The following ABR variants were observed in gnomAD, a reference collection of about 807,000 sequenced individuals.
ABR encodes the protein ABR activator of RhoGEF and GTPase, also known as active breakpoint cluster region-related protein.
In ABR, 35 loss-of-function variants were observed where a neutral mutation model predicts 107.2. That is an observed-to-expected ratio of 0.33 (90% CI 0.25 to 0.43). The LOEUF is 0.43. ABR is among the 20% of genes least tolerant of loss of function. The pLI, the probability that ABR is intolerant of heterozygous loss-of-function variation, is 1.00. For synonymous variants in ABR, 498 were observed against 462.0 expected (o/e 1.08, Z -1.00); for missense variants, 815 against 1,115.2 (o/e 0.73, Z 3.83).
intron 4 of ABR, chr17:1,083,916 T>C: frequency 2.5e-6 from 1 of 395,384 alleles, no homozygotes; most frequent in Non-Finnish European, 4.7e-6. Flanking sequence ...CTTCACAGCA[T>C]CCAGCTTTCC....
chr17:1,185,277 G>A (rs754819784), intron 1 of ABR, among the ~76,000 whole-genome samples: 8 of 152,220 alleles, frequency 5.3e-5, no homozygotes, highest in Non-Finnish European at 1.0e-4. Flanking sequence ...TGCCAGTCCC[G>A]GCCAAACCCC....
intron 1 of ABR, among the ~76,000 whole-genome samples, chr17:1,216,251 T>C (rs932244642): frequency 6.6e-6 from 1 of 152,076 alleles, no homozygotes; most frequent in African/African-American, 2.4e-5. Flanking sequence ...TATATCAACT[T>C]GCTCAGTTCT....
chr17:1,140,120 G>A (rs1269676979), intron 1 of ABR, among the ~76,000 whole-genome samples: 1 of 152,228 alleles, frequency 6.6e-6, no homozygotes, highest in African/African-American at 2.4e-5. Context: ...ATGAGATGAT[G>A]TGGAACGGGG....
chr17:1,204,893 TTCTTTTTC>T (rs2042758006), intron 1 of ABR, among the ~76,000 whole-genome samples: 3 of 80,248 alleles, frequency 3.7e-5, no homozygotes, highest in Non-Finnish European at 6.8e-5. Context: ...TCTTTTCTTT[TTCTTTTTC>T]TTTTTTTTTT....
At chr17:1,142,671 C>G (rs915406068) in intron 1 of ABR, among the ~76,000 whole-genome samples, 49 of 152,116 alleles carry the variant, frequency 3.2e-4, no homozygotes, top group African/African-American at 1.1e-3. Context: ...GGAAGGCTGC[C>G]CGGAAGAGGC....
chr17:1,195,104 G>A (rs1471554313), intron 1 of ABR, among the ~76,000 whole-genome samples: 19 of 142,214 alleles, frequency 1.3e-4, no homozygotes, highest in South Asian at 9.7e-4. Flanking sequence ...TCAGGAGATC[G>A]AGACCATCCT....
At chr17:1,012,973 G>A (rs1422625616) in intron 17 of ABR, 132 bp downstream of exon 17, 10 of 1,191,346 alleles carry the variant, frequency 8.4e-6, no homozygotes, top group African/African-American at 1.5e-5. Context: ...GGAGGGGAGA[G>A]GGGGCTGGGC....
intron 5 of ABR, among the ~76,000 whole-genome samples, 163 bp from the exon 6 acceptor site, chr17:1,079,553 C>T (rs555493602): frequency 6.6e-6 from 1 of 152,072 alleles, no homozygotes; most frequent in South Asian, 2.1e-4. Context: ...CTTTGAGAGG[C>T]CGTGGTGGGC....
At chr17:1,126,128 C>T (rs116497957) in intron 1 of ABR, among the ~76,000 whole-genome samples, 2,442 of 152,274 alleles carry the variant, frequency 0.016, 53 homozygotes, top group African/African-American at 0.051. Flanking sequence ...AGCCCAGGCA[C>T]GGAGCCCACC....
At chr17:1,199,243 G>A (rs2042627437) in intron 1 of ABR, among the ~76,000 whole-genome samples, 1 of 150,910 alleles carries the variant, frequency 6.6e-6, no homozygotes, top group African/African-American at 2.5e-5. Flanking sequence ...GGGGGAAACA[G>A]AGGCAGTGAG....
intron 1 of ABR, among the ~76,000 whole-genome samples, chr17:1,137,463 C>G (rs924265788): frequency 6.6e-6 from 1 of 151,910 alleles, no homozygotes; most frequent in Non-Finnish European, 1.5e-5. Context: ...GAGGCTGGAG[C>G]GGGGAGAGGA....
chr17:1,183,398 G>A (rs2042194757), upstream of ABR, among the ~76,000 whole-genome samples: 1 of 152,136 alleles, frequency 6.6e-6, no homozygotes, highest in African/African-American at 2.4e-5. Context: ...TGGACTTAAA[G>A]GGGATTTCAT....
chr17:1,031,918 CCCT>C, intron 16 of ABR: 3 of 1,049,538 alleles, frequency 2.9e-6, no homozygotes, highest in Non-Finnish European at 3.6e-6. Context: ...CCTCCCTCCT[CCCT>C]CCTCCGCATC....
At chr17:1,058,984 G>A in intron 10 of ABR, 117 bp from the exon 11 acceptor site, 1 of 1,456,586 alleles carries the variant, frequency 6.9e-7, no homozygotes, top group Non-Finnish European at 9.3e-7. Flanking sequence ...CGTATTTCGT[G>A]ATGTTTTGAC....
rs961228430 is a variant in ABR, at chr17:1,051,201, T to C, written c.1562-567A>G. On this transcript the variant is annotated intron_variant, in intron 14 of 22. Transcript: ENST00000302538. The surrounding 1 kb of genome is among the most constrained non-coding windows in gnomAD (Gnocchi z 4.3). ...CATCCCCAAGCCCAGGGTGCTGTGGTTTCCTCCGCTGCACTTAACATAAAC... is the reference window on the plus strand; with the variant it reads ...CATCCCCAAGCCCAGGGTGCTGTGGCTTCCTCCGCTGCACTTAACATAAAC... Among the ~76,000 whole-genome samples the C allele has an allele frequency of 1.3e-5, 2 of 152,024 alleles. No individual in the cohort carries two copies. The highest frequency in any genetic ancestry group is 4.8e-5 in the African/African-American group (2 of 41,388).
intron 3 of ABR, among the ~76,000 whole-genome samples, chr17:1,097,468 G>A (rs2037547172): frequency 6.6e-6 from 1 of 151,582 alleles, no homozygotes; most frequent in East Asian, 1.9e-4. Flanking sequence ...GTGGGTGCCT[G>A]TAATCTCAGC....
chr17:1,044,789 C>T (rs991898547), intron 16 of ABR, among the ~76,000 whole-genome samples: 1 of 152,192 alleles, frequency 6.6e-6, no homozygotes, highest in African/African-American at 2.4e-5. Flanking sequence ...CCTTCACATT[C>T]GTGCCTCCCT....
chr17:1,105,925 G>T (rs183680345), intron 2 of ABR, among the ~76,000 whole-genome samples: 196 of 152,166 alleles, frequency 1.3e-3, no homozygotes, highest in Non-Finnish European at 2.5e-3. Context: ...ATTACAAAAG[G>T]GTTTTTATTC....
intron 1 of ABR, among the ~76,000 whole-genome samples, chr17:1,227,700 C>T (rs1479983723): frequency 2.6e-5 from 4 of 152,106 alleles, no homozygotes; most frequent in African/African-American, 7.2e-5. Context: ...TGCAGCTTGA[C>T]CCAACCGGAC....
Sources: allele counts gnomAD v4.1 joint callset (sites outside exome capture counted in the v4.1 genomes callset), GRCh38; gene constraint gnomAD v4.1.1; non-coding constraint Gnocchi (gnomAD v3.1); transcripts MANE v1.5; gene names NCBI Gene and HGNC (gene_info 2026-07-23, HGNC 2026-07-21).